GRM8: variants seen among roughly 807,000 people sequenced by gnomAD.
The protein encoded by GRM8 is metabotropic glutamate receptor 8.
Under a neutral mutation model 87.2 loss-of-function variants are expected in GRM8, and 47 were observed. The observed-to-expected ratio is 0.54, with a 90% CI of 0.43 to 0.69. GRM8 has a LOEUF of 0.69. GRM8 is among the 30% of genes least tolerant of loss of function. The pLI, the probability that GRM8 is intolerant of heterozygous loss-of-function variation, is 0.00. For synonymous variants in GRM8, 396 were observed against 404.5 expected (o/e 0.98, Z 0.25); for missense variants, 1,019 against 1,139.2 (o/e 0.89, Z 1.52).
chr7:127,185,646 A>T (rs1217598346), intron 2 of GRM8, among the ~76,000 whole-genome samples: 2 of 152,186 alleles, frequency 1.3e-5, no homozygotes, highest in East Asian at 3.9e-4. Context: ...TTCCTTACCC[A>T]AATGACCACC....
chr7:126,446,542 G>A (rs1189199480), intron 9 of GRM8, among the ~76,000 whole-genome samples, 170 bp from the exon 10 acceptor site: 1 of 151,906 alleles, frequency 6.6e-6, no homozygotes, highest in African/African-American at 2.4e-5. Context: ...GTCCTAACCT[G>A]CAAATGTAAA....
chr7:126,991,894 G>A (rs1812694395), intron 3 of GRM8, among the ~76,000 whole-genome samples: 1 of 152,164 alleles, frequency 6.6e-6, no homozygotes, highest in African/African-American at 2.4e-5. Context: ...GTTTTCATCA[G>A]TGAGGTTCAG....
chr7:127,163,116 A>G (rs1234643650), intron 2 of GRM8, among the ~76,000 whole-genome samples: 1 of 152,094 alleles, frequency 6.6e-6, no homozygotes. Context: ...TATTGCTATA[A>G]AGAGATATCT....
At chr7:126,543,283 T>C (rs1816749528) in intron 8 of GRM8, among the ~76,000 whole-genome samples, 2 of 152,228 alleles carry the variant, frequency 1.3e-5, no homozygotes, top group South Asian at 4.1e-4. Context: ...TTAAAATGCA[T>C]ATTTCTCGTT....
At chr7:126,843,155 C>A (rs1796424154) in intron 6 of GRM8, among the ~76,000 whole-genome samples, 1 of 152,156 alleles carries the variant, frequency 6.6e-6, no homozygotes, top group Non-Finnish European at 1.5e-5. Context: ...AGGGTCATGA[C>A]AAATATGCTC....
chr7:126,633,099 A>G (rs1189173513), intron 7 of GRM8, among the ~76,000 whole-genome samples: 1 of 152,144 alleles, frequency 6.6e-6, no homozygotes, highest in East Asian at 1.9e-4. Flanking sequence ...AGAATAAAAT[A>G]AGAAAAGTTA....
chr7:126,714,564 C>T (rs1018878), intron 7 of GRM8, among the ~76,000 whole-genome samples: 4,243 of 152,018 alleles, frequency 0.028, 218 homozygotes, highest in African/African-American at 0.097. Flanking sequence ...TGCTTTTAAC[C>T]ATGAGATTCT....
intron 6 of GRM8, among the ~76,000 whole-genome samples, chr7:126,797,693 G>C (rs915440897): frequency 1.3e-5 from 2 of 151,976 alleles, no homozygotes; most frequent in Non-Finnish European, 2.9e-5. Context: ...AAACTTTAGG[G>C]GGAGAGTGTT....
chr7:126,611,676 A>G (rs561779350), intron 7 of GRM8, among the ~76,000 whole-genome samples: 2 of 152,316 alleles, frequency 1.3e-5, no homozygotes, highest in South Asian at 2.1e-4. Context: ...CCTTGACTCA[A>G]TGACTCCTTA....
At chr7:126,589,157 C>T (rs909737367) in intron 8 of GRM8, among the ~76,000 whole-genome samples, 1 of 152,188 alleles carries the variant, frequency 6.6e-6, no homozygotes, top group Non-Finnish European at 1.5e-5. Flanking sequence ...AGTGCAGACA[C>T]AGGCAGGCAA....
intron 3 of GRM8, among the ~76,000 whole-genome samples, chr7:127,015,175 GGAGAAGAAGAAGAAGA>G (rs1365921995): frequency 2.0e-4 from 11 of 55,758 alleles, no homozygotes; most frequent in Non-Finnish European, 1.1e-4. Flanking sequence ...AGAAGGAGAA[GGAGAAGAAGAAGAAGA>G]AGAAGAAGAA....
intron 3 of GRM8, among the ~76,000 whole-genome samples, chr7:126,967,135 T>C (rs568973411): frequency 3.1e-4 from 47 of 150,824 alleles, no homozygotes; most frequent in Non-Finnish European, 5.5e-4. Context: ...CTGGTAGTTG[T>C]TGGCACTGCC....
At chr7:126,601,689 T>C (rs1196597413) in intron 8 of GRM8, among the ~76,000 whole-genome samples, 2 of 149,858 alleles carry the variant, frequency 1.3e-5, no homozygotes, top group African/African-American at 2.4e-5. Context: ...CTAGTGATGA[T>C]GAGCATTTTT....
chr7:126,669,127 T>C (rs756173801), intron 7 of GRM8, among the ~76,000 whole-genome samples: 2 of 151,954 alleles, frequency 1.3e-5, no homozygotes, highest in African/African-American at 2.4e-5. Flanking sequence ...CAAGAACACA[T>C]GGACACAGCA....
At chr7:126,545,846 T>C (rs9641797) in intron 8 of GRM8, among the ~76,000 whole-genome samples, 1 of 152,130 alleles carries the variant, frequency 6.6e-6, no homozygotes, top group South Asian at 2.1e-4. Flanking sequence ...ATTTCTTTTT[T>C]CCATGTACTA....
chr7:127,129,228 T>C (rs533690604), intron 2 of GRM8, among the ~76,000 whole-genome samples: 10 of 152,306 alleles, frequency 6.6e-5, no homozygotes, highest in African/African-American at 2.4e-4. Flanking sequence ...CAGAAAATTA[T>C]TAGCCTTTCA....
intron 3 of GRM8, among the ~76,000 whole-genome samples, chr7:127,017,082 C>T (rs1354150668): frequency 1.3e-5 from 2 of 151,978 alleles, no homozygotes; most frequent in Non-Finnish European, 2.9e-5. Context: ...ATTATAAGAT[C>T]GATTGAATGG....
At chr7:126,529,751 G>A (rs1454562833) in intron 9 of GRM8, among the ~76,000 whole-genome samples, 3 of 152,018 alleles carry the variant, frequency 2.0e-5, no homozygotes, top group Non-Finnish European at 4.4e-5. Flanking sequence ...AGAGATTTCT[G>A]CCATCCTTAC....
intron 6 of GRM8, among the ~76,000 whole-genome samples, chr7:126,897,948 A>G (rs1464306035): frequency 6.6e-6 from 1 of 152,182 alleles, no homozygotes; most frequent in Non-Finnish European, 1.5e-5. Flanking sequence ...TCTCTGGAAA[A>G]CTGGTAAGAC....
Sources: allele counts gnomAD v4.1 joint callset (sites outside exome capture counted in the v4.1 genomes callset), GRCh38; gene constraint gnomAD v4.1.1; transcripts MANE v1.5; gene names NCBI Gene and HGNC (gene_info 2026-07-23, HGNC 2026-07-21).